UBA2: variants seen among roughly 807,000 people sequenced by gnomAD.
UBA2 encodes SUMO-activating enzyme subunit 2.
In UBA2, 11 loss-of-function variants were observed where a neutral mutation model predicts 77.2. The ratio of observed to expected loss-of-function variants is 0.14; its 90% CI spans 0.09 to 0.24. UBA2 has a LOEUF of 0.24. UBA2 is among the 10% of genes least tolerant of loss of function. The pLI is 1.00. For synonymous variants in UBA2, 278 were observed against 276.7 expected (o/e 1.00, Z -0.05); for missense variants, 487 against 781.7 (o/e 0.62, Z 4.50).
In UBA2 at chr19:34,434,945, G is replaced by T; in HGVS notation, c.436G>T (p.Gly146Ter). Reference protein sequence around the residue: ...LIESGTAGYLGQVTTIKKGVT... With the variant: ...LIESGTAGYL ...TGAAAGTGGAACAGCTGGGTATCTT[G>T]GACAAGTAACTACTATCAAAAAGGT... Residue 146 changes from glycine to a stop codon, truncating the protein, a stop_gained, in exon 5 of 17, where the codon GGA (glycine) becomes TGA (stop). Transcript: ENST00000246548. LOFTEE classifies it high-confidence loss of function. 6.2e-7 allele frequency: 1 copy of T among 1,607,672 alleles called. No homozygotes were observed. Among genetic ancestry groups the T allele is most frequent in the South Asian group, 1.1e-5 (1 of 89,764 alleles).
rs766043321 is a variant in UBA2 at position 34,457,179 on chromosome 19, A to AAT, written c.1246-1556_1246-1555dup. On this transcript the variant is annotated intron_variant, in intron 12 of 16. Transcript: ENST00000246548. ...CCTGGTCTCTACTAAAAAAAAAAAA[A>AAT]ATATATATATATATATATATATATA... Among the ~76,000 whole-genome samples the AAT allele has an allele frequency of 5.2e-3, 275 of 53,234 alleles. 6 individuals are homozygous for AAT. Among genetic ancestry groups the AAT allele is most frequent in the African/African-American group, 0.013 (107 of 8,528 alleles). 34.9% of individuals were successfully genotyped at this position (53,234 alleles called of 152,430 possible).
chr19:34,466,570 C>CG, intron 15 of UBA2, among the ~76,000 whole-genome samples: 1 of 152,126 alleles, frequency 6.6e-6, no homozygotes, highest in South Asian at 2.1e-4. Context: ...TGTGTACCGT[C>CG]TTTTTTATTA....
At chr19:34,446,638 C>A (rs1313749913) in intron 8 of UBA2, among the ~76,000 whole-genome samples, 2 of 147,230 alleles carry the variant, frequency 1.4e-5, no homozygotes, top group Non-Finnish European at 3.0e-5. Context: ...GAGAGAGAAT[C>A]CTGCTCTGTC....
chr19:34,437,508 G>C (rs1029492034), intron 5 of UBA2, among the ~76,000 whole-genome samples: 7 of 151,528 alleles, frequency 4.6e-5, no homozygotes, highest in African/African-American at 1.5e-4. Context: ...TACTTGGGAG[G>C]CTGAGGCAAA....
intron 1 of UBA2, 124 bp from the exon 2 acceptor site, chr19:34,430,452 G>A (rs973815272): frequency 8.9e-6 from 5 of 564,272 alleles, no homozygotes; most frequent in African/African-American, 5.7e-5. Context: ...ATGGCGATTC[G>A]AAAAACGCTT....
At chr19:34,466,179 C>A (rs773284354) in intron 15 of UBA2, among the ~76,000 whole-genome samples, 124 of 151,708 alleles carry the variant, frequency 8.2e-4, no homozygotes, top group Non-Finnish European at 1.6e-3. Context: ...ACTAAAAATA[C>A]AAAAAAATTA....
At chr19:34,466,402 A>G (rs1484041763) in intron 15 of UBA2, among the ~76,000 whole-genome samples, 3 of 152,264 alleles carry the variant, frequency 2.0e-5, no homozygotes, top group Non-Finnish European at 4.4e-5. Context: ...TTGTAGCTAA[A>G]GAAATAATGT....
rs751878768 is a variant in UBA2 at position 34,445,126 on chromosome 19, G to A, written c.771+5G>A. 6.2e-7 allele frequency: 1 copy of A among 1,607,996 alleles called. No individual in the cohort carries two copies. The highest frequency in any genetic ancestry group is 8.5e-7 in the Non-Finnish European group (1 of 1,177,826). On this transcript the variant is annotated splice_donor_5th_base_variant and intron_variant, in intron 8 of 16. Transcript: ENST00000246548. ...CCAGTTAAACTTTTTACCAAGGTTAGATTTACTTTTTTTATAATCATGGAT... is the reference window on the plus strand; with the variant it reads ...CCAGTTAAACTTTTTACCAAGGTTAAATTTACTTTTTTTATAATCATGGAT...
At position 34,454,556 on chromosome 19, in the gene UBA2, AGTGAGTATTTCTGTTTGC is replaced by A; in HGVS notation, c.1245+1_1245+18del. 1 of 1,514,702 alleles carries A rather than the reference AGTGAGTATTTCTGTTTGC, an allele frequency of 6.6e-7. No homozygotes were observed. Among genetic ancestry groups the A allele is most frequent in the Non-Finnish European group, 9.0e-7 (1 of 1,114,108 alleles). 93.8% of individuals were successfully genotyped at this position (1,514,702 alleles called of 1,614,324 possible). On this transcript the variant is annotated splice_donor_variant and splice_donor_5th_base_variant and intron_variant, in intron 12 of 16. Transcript: ENST00000246548. LOFTEE classifies it high-confidence loss of function. ...CAGGAAAAATAGACCAGTGCAGAAC[AGTGAGTATTTCTGTTTGC>A]ATTTTTATGCAACCCCCCTTAAAAA...
At chr19:34,432,732 A>G (rs979213319) in intron 3 of UBA2, among the ~76,000 whole-genome samples, 11 of 151,926 alleles carry the variant, frequency 7.2e-5, no homozygotes, top group Non-Finnish European at 1.0e-4. Flanking sequence ...TAATTTTTGT[A>G]TTTTAGTAGG....
intron 5 of UBA2, among the ~76,000 whole-genome samples, chr19:34,436,363 G>T (rs757550172): frequency 6.6e-6 from 1 of 151,942 alleles, no homozygotes; most frequent in Non-Finnish European, 1.5e-5. Flanking sequence ...GCAGTGGCGC[G>T]ATCTCAGCTC....
Position 34,469,394 on chromosome 19 carries a change from G to C in UBA2, c.*173G>C. 2 of 443,028 alleles carry C rather than the reference G, an allele frequency of 4.5e-6. No individual in the cohort carries two copies. The highest frequency in any genetic ancestry group is 7.5e-6 in the Non-Finnish European group (2 of 267,116). The allele number at this position is 443,028 out of a possible 1,614,324, so 27.4% of individuals were successfully genotyped here. A position where few individuals can be genotyped will look rare whatever the true frequency, so the allele number is the denominator to read the frequency against. Reference sequence around the variant, plus strand: ...ACTGTTAGACACATTGCAGTATGCTGTATTGAAAGTAGGAATATAGTTTTA... The same window carrying C: ...ACTGTTAGACACATTGCAGTATGCTCTATTGAAAGTAGGAATATAGTTTTA... On this transcript the variant is annotated 3_prime_UTR_variant, in exon 17 of 17. Transcript: ENST00000246548.
In UBA2 at chr19:34,458,880, C is replaced by T. The variant is rs777514183; in HGVS notation, c.1357C>T (p.Arg453Trp). Residue 453 changes from arginine (R) to tryptophan (W), a missense_variant, in exon 13 of 17, where the codon CGG (arginine) becomes TGG (tryptophan). Coordinates refer to ENST00000246548, the MANE Select transcript of UBA2 (RefSeq NM_005499.3). The stretch of plus-strand genomic sequence containing the variant: ...TGCCAGCAAGCCAGAGGTGACTGTG[C>T]GGCTGAATGTCCATAAAGTGACTGT... Reference protein sequence around the residue: ...VCASKPEVTVRLNVHKVTVLT... With the variant: ...VCASKPEVTVWLNVHKVTVLT... 17 of 1,613,822 alleles carry T rather than the reference C, an allele frequency of 1.1e-5. No homozygotes were observed. Among genetic ancestry groups the T allele is most frequent in the East Asian group, 4.5e-5 (2 of 44,870 alleles).
At chr19:34,452,198 A>T in intron 10 of UBA2, 51 bp downstream of exon 10, 4 of 1,397,010 alleles carry the variant, frequency 2.9e-6, no homozygotes, top group Non-Finnish European at 3.9e-6. Flanking sequence ...AGTGTGTTTT[A>T]GTTCTTGAGA....
In UBA2 at chr19:34,428,584, G is replaced by A. The variant is rs1281410934; in HGVS notation, c.138+14G>A. The A allele has an allele frequency of 3.8e-6, 5 of 1,306,610 alleles. No homozygotes were observed. Among genetic ancestry groups the A allele is most frequent in the Non-Finnish European group, 4.9e-6 (5 of 1,019,338 alleles). The allele number at this position is 1,306,610 out of a possible 1,614,324, so 80.9% of individuals were successfully genotyped here. ...CACATCGACCTGGTGAGGGCCGGGC[G>A]CGCGCGCGTGAATGGCGGGCTGTGG... On this transcript the variant is annotated intron_variant, in intron 1 of 16. Coordinates refer to ENST00000246548, the MANE Select transcript of UBA2 (RefSeq NM_005499.3).
intron 6 of UBA2, among the ~76,000 whole-genome samples, chr19:34,441,725 T>C (rs554175648): frequency 6.6e-6 from 1 of 151,892 alleles, no homozygotes; most frequent in South Asian, 2.1e-4. Context: ...GTTTGAGAAC[T>C]GCCTGGGCAA....
intron 8 of UBA2, among the ~76,000 whole-genome samples, chr19:34,447,141 G>A (rs1260951298): frequency 6.6e-6 from 1 of 152,292 alleles, no homozygotes; most frequent in South Asian, 2.1e-4. Context: ...GGAGTCTGAT[G>A]TTTGAGGGCA....
In UBA2 at chr19:34,469,970, CTCGG is replaced by C. The variant is rs2075723119; in HGVS notation, c.*754_*757del. The C allele has an allele frequency of 6.6e-6, 1 of 152,162 alleles. No homozygotes were observed. Among genetic ancestry groups the C allele is most frequent in the Non-Finnish European group, 1.5e-5 (1 of 68,034 alleles). The allele number at this position is 152,162 out of a possible 1,614,324, so 9.4% of individuals were successfully genotyped here. A position where few individuals can be genotyped will look rare whatever the true frequency, so the allele number is the denominator to read the frequency against. On this transcript the variant is annotated 3_prime_UTR_variant, in exon 17 of 17. Coordinates refer to ENST00000246548, the MANE Select transcript of UBA2 (RefSeq NM_005499.3). ...CAAATTCTTTTCATTAAAAAAAGAA[CTCGG>C]TCGGGCACGGTGGCTCATGCCTGTA...
Position 34,433,338 on chromosome 19 carries a change from T to C in UBA2, c.294-10T>C. 1.9e-6 allele frequency: 3 copies of C among 1,606,178 alleles called. No individual in the cohort carries two copies. The highest frequency in any genetic ancestry group is 2.6e-6 in the Non-Finnish European group (3 of 1,174,860). On this transcript the variant is annotated splice_polypyrimidine_tract_variant and intron_variant, in intron 3 of 16. Coordinates refer to ENST00000246548, the MANE Select transcript of UBA2 (RefSeq NM_005499.3). Reference sequence around the variant, plus strand: ...TTATTTTGGTGACCTTTTTTTATTTTGTTTTGTAGCCCTGACTATAATGTG... The same window carrying C: ...TTATTTTGGTGACCTTTTTTTATTTCGTTTTGTAGCCCTGACTATAATGTG...
Sources: allele counts gnomAD v4.1 joint callset (sites outside exome capture counted in the v4.1 genomes callset), GRCh38; gene constraint gnomAD v4.1.1; transcripts MANE v1.5; gene names NCBI Gene and HGNC (gene_info 2026-07-23, HGNC 2026-07-21).